COL11A1: variants seen among roughly 807,000 people sequenced by gnomAD.
COL11A1 encodes collagen alpha-1(XI) chain.
A neutral mutation model predicts 265.2 loss-of-function variants in COL11A1; 74 were observed. The ratio of observed to expected loss-of-function variants is 0.28; its 90% CI spans 0.23 to 0.34. The LOEUF (loss-of-function observed/expected upper bound fraction) is 0.34. Among genes scored for constraint, COL11A1 ranks in the 10% least tolerant of loss-of-function variants. The pLI, the probability that COL11A1 is intolerant of heterozygous loss-of-function variation, is 1.00. For synonymous variants in COL11A1, 816 were observed against 727.6 expected, an observed-to-expected ratio of 1.12 and a Z score of -1.96; for missense variants, 2,165 against 2,263.6, an observed-to-expected ratio of 0.96 and a Z score of 0.88.
chr1:103,050,007 A>G (rs975845039), intron 4 of COL11A1, among the ~76,000 whole-genome samples: 2 of 152,126 alleles, frequency 1.3e-5, no homozygotes, highest in African/African-American at 4.8e-5. Context: ...GGGTAACCCG[A>G]CCTTTCTCTC....
At chr1:102,906,590 G>A (rs1654011795) in intron 54 of COL11A1, among the ~76,000 whole-genome samples, 1 of 151,928 alleles carries the variant, frequency 6.6e-6, no homozygotes, top group African/African-American at 2.4e-5. Flanking sequence ...AAAAGTTTCT[G>A]TGAAGATGAG....
At chr1:102,933,810 C>G (rs558755753) in intron 46 of COL11A1, among the ~76,000 whole-genome samples, 1 of 152,116 alleles carries the variant, frequency 6.6e-6, no homozygotes, top group East Asian at 1.9e-4. Context: ...TTTTTTAAGC[C>G]GGTCGGAAAA....
At chr1:103,091,899 A>G (rs1000642588) in intron 1 of COL11A1, among the ~76,000 whole-genome samples, 4 of 152,122 alleles carry the variant, frequency 2.6e-5, no homozygotes, top group African/African-American at 9.6e-5. Context: ...TTTTAGAGTT[A>G]ATTTCATCAA....
chr1:103,067,999 T>G (rs575585701), intron 4 of COL11A1, among the ~76,000 whole-genome samples: 1 of 151,736 alleles, frequency 6.6e-6, no homozygotes, highest in Non-Finnish European at 1.5e-5. Flanking sequence ...TTTCACTGGT[T>G]AATTCTATCC....
intron 46 of COL11A1, among the ~76,000 whole-genome samples, chr1:102,929,043 C>T (rs1657020502): frequency 7.0e-6 from 1 of 143,878 alleles, no homozygotes; most frequent in Admixed American, 7.2e-5. Flanking sequence ...TTGTAGGTTG[C>T]CTGTTCACTC....
intron 46 of COL11A1, among the ~76,000 whole-genome samples, chr1:102,929,550 G>A (rs1202775858): frequency 6.6e-6 from 1 of 151,932 alleles, no homozygotes; most frequent in African/African-American, 2.4e-5. Context: ...TGTTTTTTTG[G>A]CTTAGGATTG....
rs144510951 is a variant in COL11A1, at chr1:102,878,081, C to T, written c.5359G>A (p.Asp1787Asn). The T allele has an allele frequency of 5.1e-5, 82 of 1,613,384 alleles. No homozygotes were observed. The highest frequency in any genetic ancestry group is 6.8e-5 in the Non-Finnish European group (80 of 1,179,678). Residue 1787 changes from aspartate (D) to asparagine (N), a missense_variant, in exon 67 of 67, where the codon GAC becomes AAC. Asp to Asn is a conservative substitution (Grantham distance 23). Transcript: ENST00000370096. ...AACTTCTGATTCTGATCACCAAAGT[C>T]ATTGATCATGACATCAACAATAGGT... ...QVPIVDVMINDFGDQNQKFGF... is the reference protein window; with the variant it reads ...QVPIVDVMINNFGDQNQKFGF...
rs1651036368 is a variant in COL11A1, at chr1:102,886,798, T to C, written c.4858+9A>G. The stretch of plus-strand genomic sequence containing the variant: ...GGTACATTTGCTTTGTCATGTATTA[T>C]TTACATACCATCTGGGAAGTCAGGA... On this transcript the variant is annotated intron_variant, in intron 63 of 66. Coordinates refer to ENST00000370096, the MANE Select transcript of COL11A1 (RefSeq NM_001854.4). 1 of 1,613,840 alleles carries C rather than the reference T, an allele frequency of 6.2e-7. No homozygotes were observed.
intron 64 of COL11A1, among the ~76,000 whole-genome samples, chr1:102,882,202 G>A (rs924758969): frequency 6.6e-6 from 1 of 152,172 alleles, no homozygotes; most frequent in Non-Finnish European, 1.5e-5. Flanking sequence ...GAGATATACT[G>A]TGTGAAAGGC....
At chr1:102,988,947 G>T (rs1663847629) in intron 29 of COL11A1, among the ~76,000 whole-genome samples, 1 of 152,026 alleles carries the variant, frequency 6.6e-6, no homozygotes, top group Non-Finnish European at 1.5e-5. Flanking sequence ...TCTTTATTCA[G>T]ATGTATTAGG....
chr1:102,905,901 C>G (rs1025532625), intron 54 of COL11A1, among the ~76,000 whole-genome samples: 3 of 151,996 alleles, frequency 2.0e-5, no homozygotes, highest in Admixed American at 6.6e-5. Flanking sequence ...ACTCAAACAA[C>G]AAAGCAAAAT....
In COL11A1 at chr1:102,898,168, C is replaced by A; in HGVS notation, c.4259G>T (p.Gly1420Val). 7.0e-7 allele frequency: 1 copy of A among 1,430,138 alleles called. No individual in the cohort carries two copies. Among genetic ancestry groups the A allele is most frequent in the East Asian group, 2.6e-5 (1 of 38,344 alleles). 88.6% of individuals were successfully genotyped at this position (1,430,138 alleles called of 1,614,324 possible). A position where few individuals can be genotyped will look rare whatever the true frequency, so the allele number is the denominator to read the frequency against. The change falls in exon 57 of 67, where the codon GGT becomes GTT. Residue 1420 changes from glycine to valine, a missense_variant. Transcript: ENST00000370096. ...RGIPGPVGEQGLPGAAGQDGP... is the reference protein window; with the variant it reads ...RGIPGPVGEQVLPGAAGQDGP... ...ATCTTGGCCTGCAGCTCCAGGGAGA[C>A]CTTGTTCTCCCTAGAGAAAATAAAA...
chr1:103,068,696 TAAAA>T (rs1049057021), intron 4 of COL11A1, among the ~76,000 whole-genome samples: 1 of 149,780 alleles, frequency 6.7e-6, no homozygotes, highest in Non-Finnish European at 1.5e-5. Flanking sequence ...CTTTTTACAC[TAAAA>T]AAAAACCCTG....
chr1:102,920,798 T>C (rs561598485), intron 48 of COL11A1, among the ~76,000 whole-genome samples: 65 of 152,270 alleles, frequency 4.3e-4, no homozygotes, highest in African/African-American at 1.4e-3. Flanking sequence ...ATCTAAAAAC[T>C]CTTTTAATTC....
At chr1:103,065,522 CAA>C (rs138446065) in intron 4 of COL11A1, among the ~76,000 whole-genome samples, 3,753 of 34,376 alleles carry the variant, frequency 0.11, 16 homozygotes, top group South Asian at 0.15. Context: ...GACTCCGTCT[CAA>C]AAAAAAAAAA....
chr1:102,921,724 A>G lies in COL11A1; in HGVS notation c.3655-153T>C, dbSNP rs74736304. Among the ~76,000 whole-genome samples, 451 of 152,376 alleles carry G rather than the reference A, an allele frequency of 3.0e-3. 1 individual carries two copies. The highest frequency in any genetic ancestry group is 5.4e-3 in the Non-Finnish European group (367 of 68,028). Reference sequence around the variant, plus strand: ...GGGTTATAAGTCATCCTTCATGGATACAACATCATGTTAGCAAATGAGCCT... The same window carrying G: ...GGGTTATAAGTCATCCTTCATGGATGCAACATCATGTTAGCAAATGAGCCT... On this transcript the variant is annotated intron_variant, in intron 47 of 66. Transcript: ENST00000370096.
chr1:102,884,963 A>G (rs1650779059), intron 63 of COL11A1, among the ~76,000 whole-genome samples: 1 of 152,204 alleles, frequency 6.6e-6, no homozygotes, highest in African/African-American at 2.4e-5. Flanking sequence ...CCATAAAGAA[A>G]TTAAAACCCT....
rs1410936732 is a variant in COL11A1 at position 103,014,605 on chromosome 1, A to G, written c.1489-11T>C. The G allele has an allele frequency of 6.2e-7, 1 of 1,610,986 alleles. No individual in the cohort carries two copies. Among genetic ancestry groups the G allele is most frequent in the East Asian group, 2.2e-5 (1 of 44,836 alleles). ...ACCACCATAACGGAACTTGGAAGAG[A>G]TAACATTAAGAAATTCAAAATTAGC... On this transcript the variant is annotated splice_polypyrimidine_tract_variant and intron_variant, in intron 12 of 66. Coordinates refer to ENST00000370096, the MANE Select transcript of COL11A1 (RefSeq NM_001854.4).
chr1:102,913,501 A>C, intron 53 of COL11A1, 136 bp downstream of exon 53: 1 of 766,104 alleles, frequency 1.3e-6, no homozygotes, highest in East Asian at 2.6e-5. Context: ...GAATTCAAAA[A>C]TTTTTTTGAT....
Sources: allele counts gnomAD v4.1 joint callset (sites outside exome capture counted in the v4.1 genomes callset), GRCh38; gene constraint gnomAD v4.1.1; transcripts MANE v1.5; gene names NCBI Gene and HGNC (gene_info 2026-07-23, HGNC 2026-07-21).